The following ZCCHC7 variants were observed in gnomAD, a reference collection of about 807,000 sequenced individuals.
The protein encoded by ZCCHC7 is zinc finger CCHC-type containing 7.
ZCCHC7 carries 35 observed loss-of-function variants against 52.0 expected under a neutral mutation model. That is an observed-to-expected ratio of 0.67 (90% CI 0.51 to 0.89). The LOEUF is 0.89. ZCCHC7 is among the 40% of genes least tolerant of loss of function. The probability of loss-of-function intolerance (pLI) is 0.00; values close to 1 mark genes in which losing one functional copy is unlikely to be tolerated. For missense variants in ZCCHC7, 574 were observed against 649.1 expected (o/e 0.88, Z 1.26); for synonymous variants, 217 against 221.5 (o/e 0.98, Z 0.18).
In ZCCHC7 at chr9:37,219,065, C is replaced by G. The variant is rs185247900; in HGVS notation, c.611-83123C>G. ...GTGACAGAGCAAGATTCCATCCCCC[C>G]TAAAAAAGAAAAAAGATTGGGATTC... On this transcript the variant is annotated intron_variant, in intron 2 of 8. Coordinates refer to ENST00000336755, the MANE Select transcript of ZCCHC7 (RefSeq NM_032226.3). 1.6e-3 allele frequency among the ~76,000 whole-genome samples: 242 copies of G among 151,366 alleles called. 1 individual carries two copies. Among genetic ancestry groups the G allele is most frequent in the African/African-American group, 5.6e-3 (232 of 41,290 alleles).
At chr9:37,272,080 T>C (rs1827443464) in intron 2 of ZCCHC7, among the ~76,000 whole-genome samples, 1 of 152,178 alleles carries the variant, frequency 6.6e-6, no homozygotes, top group African/African-American at 2.4e-5. Context: ...AAATAGTGAA[T>C]GAGTAAGAAC....
chr9:37,253,470 C>A (rs1826428530), intron 2 of ZCCHC7, among the ~76,000 whole-genome samples: 1 of 151,838 alleles, frequency 6.6e-6, no homozygotes, highest in South Asian at 2.1e-4. Flanking sequence ...TTTACCGATC[C>A]ACTTTTTCTT....
intron 5 of ZCCHC7, among the ~76,000 whole-genome samples, chr9:37,324,777 C>G (rs1830175182): frequency 6.6e-6 from 1 of 152,192 alleles, no homozygotes; most frequent in Non-Finnish European, 1.5e-5. Context: ...AGGCAGACAA[C>G]TGGCCAAGGG....
At chr9:37,225,752 A>G (rs1421678689) in intron 2 of ZCCHC7, among the ~76,000 whole-genome samples, 2 of 152,236 alleles carry the variant, frequency 1.3e-5, no homozygotes, top group Non-Finnish European at 2.9e-5. Context: ...ATAGATTAAA[A>G]CAATAAACAA....
At chr9:37,337,140 C>G (rs1830707730) in intron 6 of ZCCHC7, among the ~76,000 whole-genome samples, 1 of 152,076 alleles carries the variant, frequency 6.6e-6, no homozygotes, top group African/African-American at 2.4e-5. Context: ...AAAGTGATTC[C>G]TTCTTCTGTC....
At chr9:37,193,023 TGTG>T (rs1465489506) in intron 2 of ZCCHC7, among the ~76,000 whole-genome samples, 5 of 152,178 alleles carry the variant, frequency 3.3e-5, no homozygotes, top group African/African-American at 1.2e-4. Flanking sequence ...GCAGCTGAAT[TGTG>T]GTGCAACTTT....
chr9:37,328,699 G>A (rs1308213689), intron 6 of ZCCHC7, among the ~76,000 whole-genome samples: 1 of 151,830 alleles, frequency 6.6e-6, no homozygotes, highest in East Asian at 1.9e-4. Flanking sequence ...AATACAAAGG[G>A]CAAAGTTCTT....
chr9:37,154,467 C>A (rs995810398), intron 2 of ZCCHC7, among the ~76,000 whole-genome samples: 3 of 152,024 alleles, frequency 2.0e-5, no homozygotes, highest in Non-Finnish European at 2.9e-5. Context: ...TTTACTCTAT[C>A]AGTTAATTAG....
intron 1 of ZCCHC7, among the ~76,000 whole-genome samples, chr9:37,123,220 TGTGTGC>T (rs903676107): frequency 1.8e-4 from 22 of 123,322 alleles, no homozygotes; most frequent in South Asian, 2.8e-4. Context: ...TGTGTGTGTG[TGTGTGC>T]GTGTGCGTGT....
intron 2 of ZCCHC7, among the ~76,000 whole-genome samples, chr9:37,244,983 A>T (rs1221857105): frequency 6.6e-6 from 1 of 151,980 alleles, no homozygotes; most frequent in Non-Finnish European, 1.5e-5. Flanking sequence ...ATGAGTATAT[A>T]AACCCCTTTT....
chr9:37,343,277 G>C (rs907156487), intron 6 of ZCCHC7, among the ~76,000 whole-genome samples: 4 of 152,178 alleles, frequency 2.6e-5, no homozygotes, highest in African/African-American at 9.7e-5. Context: ...TTCTATAGCA[G>C]CAAGACATAT....
chr9:37,154,136 G>A (rs1311449357), intron 2 of ZCCHC7, among the ~76,000 whole-genome samples: 3 of 151,790 alleles, frequency 2.0e-5, no homozygotes, highest in East Asian at 1.9e-4. Flanking sequence ...GTGTCCTCCC[G>A]CCTCAGCCTC....
At chr9:37,349,995 T>A (rs1821269241) in intron 7 of ZCCHC7, among the ~76,000 whole-genome samples, 1 of 151,834 alleles carries the variant, frequency 6.6e-6, no homozygotes, top group African/African-American at 2.4e-5. Flanking sequence ...ACCATATTGG[T>A]CAGGCTGGTC....
At chr9:37,306,762 C>CTTTTTTTTTTTTTTTTTTTT (rs869292704) in intron 5 of ZCCHC7, among the ~76,000 whole-genome samples, 1 of 52,034 alleles carries the variant, frequency 1.9e-5, no homozygotes, top group Non-Finnish European at 3.7e-5. Context: ...TGTACCCGAC[C>CTTTTTTTTTTTTTTTTTTTT]TTTTTTTTTT....
chr9:37,349,415 A>G lies in ZCCHC7; in HGVS notation c.1046A>G (p.Tyr349Cys), dbSNP rs549989295. 2.8e-5 allele frequency: 46 copies of G among 1,614,100 alleles called. No individual in the cohort carries two copies. The South Asian group carries it at 5.1e-4, about 18-fold the overall frequency. The change falls in exon 7 of 9, where the codon TAT (tyrosine) becomes TGT (cysteine). Residue 349 changes from tyrosine to cysteine, a missense_variant. Physicochemically the swap from Tyr to Cys is radical, Grantham distance 194. This residue lies in a region of ZCCHC7 where 403 missense variants were observed against 461.2 expected (regional missense o/e 0.87). Transcript: ENST00000336755. ...KTPSRPSALA[Y>C]CYHCAQKGHY... The stretch of plus-strand genomic sequence containing the variant: ...CCTTCAAGACCATCAGCCTTAGCAT[A>G]TTGCTATCACTGCGCGCAAAAAGGC...
intron 2 of ZCCHC7, among the ~76,000 whole-genome samples, chr9:37,169,189 A>G (rs1011648346): frequency 6.6e-6 from 1 of 152,224 alleles, no homozygotes; most frequent in African/African-American, 2.4e-5. Context: ...TGCCTATGGT[A>G]CATTTTAAAA....
intron 1 of ZCCHC7, among the ~76,000 whole-genome samples, chr9:37,124,548 G>A (rs1842460054): frequency 6.6e-6 from 1 of 152,086 alleles, no homozygotes; most frequent in Admixed American, 6.6e-5. Flanking sequence ...GCCCTCCTGG[G>A]ATTTGTGATC....
intron 5 of ZCCHC7, among the ~76,000 whole-genome samples, chr9:37,307,593 T>C (rs1165750797): frequency 6.6e-6 from 1 of 152,164 alleles, no homozygotes; most frequent in African/African-American, 2.4e-5. Flanking sequence ...AGCAGAAATA[T>C]TTTTCTAATT....
intron 5 of ZCCHC7, among the ~76,000 whole-genome samples, 180 bp from the exon 6 acceptor site, chr9:37,327,619 C>G (rs1588676967): frequency 6.6e-6 from 1 of 151,988 alleles, no homozygotes; most frequent in African/African-American, 2.4e-5. Context: ...GTGTGTTAAA[C>G]CAGTGTAAAA....
Sources: allele counts gnomAD v4.1 joint callset (sites outside exome capture counted in the v4.1 genomes callset), GRCh38; gene constraint gnomAD v4.1.1; regional missense constraint gnomAD v4.1.1; transcripts MANE v1.5; gene names NCBI Gene and HGNC (gene_info 2026-07-23, HGNC 2026-07-21).